Variants in CCDC30 observed in about 807,000 individuals in gnomAD.
CCDC30 encodes coiled-coil domain containing 30.
A neutral mutation model predicts 100.2 loss-of-function variants in CCDC30; 70 were observed. The observed-to-expected ratio is 0.70, with a 90% CI of 0.58 to 0.85. The LOEUF (loss-of-function observed/expected upper bound fraction) is 0.85, where lower values mean the gene tolerates loss of function less well. Among genes scored for constraint, CCDC30 ranks in the 40% least tolerant of loss-of-function variants. CCDC30 has a pLI of 0.00. For missense variants in CCDC30, 652 were observed against 771.2 expected (o/e 0.85, Z 1.83); for synonymous variants, 233 against 269.5 (o/e 0.86, Z 1.33).
At chr1:42,582,619 C>T (rs1007343083) in intron 9 of CCDC30, among the ~76,000 whole-genome samples, 4 of 152,166 alleles carry the variant, frequency 2.6e-5, no homozygotes, top group African/African-American at 9.7e-5. Flanking sequence ...TCAAAACACT[C>T]TCATAATAAA....
chr1:42,494,684 A>C (rs1644201571), intron 4 of CCDC30, among the ~76,000 whole-genome samples: 1 of 143,260 alleles, frequency 7.0e-6, no homozygotes, highest in Non-Finnish European at 1.5e-5. Flanking sequence ...CCCCATCAAA[A>C]AGTGGGCGAA....
At chr1:42,622,579 G>T (rs1182597769) in intron 11 of CCDC30, among the ~76,000 whole-genome samples, 1 of 151,728 alleles carries the variant, frequency 6.6e-6, no homozygotes, top group Non-Finnish European at 1.5e-5. Flanking sequence ...CAATTCTTCT[G>T]CTTCAGCCTC....
intron 2 of CCDC30, among the ~76,000 whole-genome samples, chr1:42,481,451 C>A (rs540994088): frequency 6.6e-6 from 1 of 151,920 alleles, no homozygotes; most frequent in African/African-American, 2.4e-5. Context: ...GTGGTGCACA[C>A]CTGTAATCCC....
At chr1:42,654,696 C>T (rs1648604481), downstream of CCDC30, 1 of 151,230 alleles carries the variant, frequency 6.6e-6, no homozygotes, top group South Asian at 2.1e-4. Context: ...CAAAAACCCT[C>T]CTATAATACC....
exon 7 of CCDC30, chr1:42,566,349 A>G (rs1487140266): frequency 1.2e-6 from 2 of 1,614,004 alleles, no homozygotes; most frequent in South Asian, 2.2e-5. Context: ...AAGTACAACA[A>G]CTTCACCAGA....
chr1:42,556,547 G>C (rs1257978238), intron 6 of CCDC30, 142 bp downstream of exon 10: 1 of 886,020 alleles, frequency 1.1e-6, no homozygotes, highest in Non-Finnish European at 1.6e-6. Context: ...TATTTATGGA[G>C]TACATGAGAT....
intron 6 of CCDC30, among the ~76,000 whole-genome samples, chr1:42,533,543 A>G (rs577614728): frequency 1.3e-5 from 2 of 152,310 alleles, no homozygotes; most frequent in South Asian, 2.1e-4. Flanking sequence ...CCCAGGGCTC[A>G]TTTTCTACAC....
At chr1:42,517,901 G>C (rs943662338) in intron 6 of CCDC30, among the ~76,000 whole-genome samples, 1 of 152,180 alleles carries the variant, frequency 6.6e-6, no homozygotes, top group Non-Finnish European at 1.5e-5. Context: ...AAATCAGAAA[G>C]TGTGAGTCCT....
intron 5 of CCDC30, 70 bp downstream of exon 5, chr1:42,497,283 C>CTG (rs1644245518): frequency 2.2e-6 from 2 of 899,560 alleles, no homozygotes; most frequent in African/African-American, 3.4e-5. Flanking sequence ...ATAAGCAACA[C>CTG]AGGTATACAA....
At chr1:42,606,048 C>T (rs1271202057) in intron 10 of CCDC30, among the ~76,000 whole-genome samples, 2 of 152,126 alleles carry the variant, frequency 1.3e-5, no homozygotes, top group Admixed American at 6.5e-5. Flanking sequence ...TATGTAGATA[C>T]TATTTTATCT....
At chr1:42,621,961 T>C (rs1646846592) in intron 11 of CCDC30, among the ~76,000 whole-genome samples, 1 of 152,206 alleles carries the variant, frequency 6.6e-6, no homozygotes, top group African/African-American at 2.4e-5. Context: ...TCTTTAGTTA[T>C]TTTTAAATGT....
At chr1:42,551,548 A>C (rs1012780204) in intron 6 of CCDC30, among the ~76,000 whole-genome samples, 4 of 152,070 alleles carry the variant, frequency 2.6e-5, no homozygotes, top group Non-Finnish European at 4.4e-5. Context: ...ACATGTTCTC[A>C]ACTCCATATA....
intron 11 of CCDC30, among the ~76,000 whole-genome samples, chr1:42,628,876 C>T (rs1161026619): frequency 2.0e-5 from 3 of 152,152 alleles, no homozygotes; most frequent in Non-Finnish European, 2.9e-5. Context: ...GTGATTACAA[C>T]TTAATATGGT....
At chr1:42,480,707 G>T in intron 2 of CCDC30, 141 bp downstream of exon 2, 1 of 774,316 alleles carries the variant, frequency 1.3e-6, no homozygotes, top group Non-Finnish European at 1.6e-6. Context: ...AAGAACCTGT[G>T]TAACAGTCTA....
chr1:42,539,108 T>C, intron 6 of CCDC30, 65 bp from the exon 8 acceptor site: 1 of 1,272,568 alleles, frequency 7.9e-7, no homozygotes, highest in Non-Finnish European at 1.0e-6. Flanking sequence ...CTTAAAAATA[T>C]TATATCTTTT....
At chr1:42,644,284 A>G (rs1429851213) in intron 13 of CCDC30, among the ~76,000 whole-genome samples, 2 of 152,164 alleles carry the variant, frequency 1.3e-5, no homozygotes, top group African/African-American at 4.8e-5. Context: ...TGAGGGCAGG[A>G]AGCATCCAGC....
chr1:42,615,627 C>A (rs555352090), intron 11 of CCDC30, among the ~76,000 whole-genome samples: 2 of 152,100 alleles, frequency 1.3e-5, no homozygotes, highest in South Asian at 4.1e-4. Context: ...AAAAACCCTA[C>A]GATTCTAAAT....
intron 6 of CCDC30, among the ~76,000 whole-genome samples, chr1:42,516,571 CAAA>C (rs61638436): frequency 6.9e-5 from 7 of 102,150 alleles, no homozygotes; most frequent in Admixed American, 2.2e-4. Flanking sequence ...GACTCCATCT[CAAA>C]AAAAAAAAAA....
chr1:42,565,884 T>C (rs1397967450), intron 6 of CCDC30, among the ~76,000 whole-genome samples: 1 of 150,924 alleles, frequency 6.6e-6, no homozygotes, highest in Non-Finnish European at 1.5e-5. Flanking sequence ...TTACTAAATT[T>C]CCTCTTTCTT....
Sources: gnomAD v4.1 joint callset for allele counts (sites outside exome capture counted in the v4.1 genomes callset) on GRCh38, gnomAD v4.1.1 for gene constraint, MANE v1.5 for transcripts, NCBI Gene and HGNC (gene_info 2026-07-23, HGNC 2026-07-21) for gene names.